The following CHD4 variants were observed in gnomAD, a reference collection of about 807,000 sequenced individuals.
The protein encoded by CHD4 is chromodomain helicase DNA binding protein 4.
Under a neutral mutation model 235.5 loss-of-function variants are expected in CHD4, and 35 were observed. The ratio of observed to expected loss-of-function variants is 0.15; its 90% CI spans 0.11 to 0.20. CHD4 has a LOEUF of 0.20. Ranked by LOEUF, CHD4 falls within the 10% of genes least tolerant of loss-of-function variation. The probability of loss-of-function intolerance (pLI) is 1.00; values close to 1 mark genes in which losing one functional copy is unlikely to be tolerated. For synonymous variants in CHD4, 900 were observed against 850.2 expected (o/e 1.06, Z -1.02); for missense variants, 1,329 against 2,432.3 (o/e 0.55, Z 9.54).
At chr12:6,575,024 T>C (rs2136193330) in intron 37 of CHD4, among the ~76,000 whole-genome samples, 1 of 152,260 alleles carries the variant, frequency 6.6e-6, no homozygotes, top group South Asian at 2.1e-4. Context: ...TATCCATAGA[T>C]GAAACGCTGA....
intron 10 of CHD4, 53 bp downstream of exon 10, chr12:6,599,720 T>C (rs1031972956): frequency 2.3e-5 from 37 of 1,610,552 alleles, no homozygotes; most frequent in African/African-American, 1.7e-4. Context: ...ATAGCCTACA[T>C]AGAAAAGACT....
intron 31 of CHD4, 55 bp from the exon 32 acceptor site, chr12:6,581,443 G>A: frequency 4.5e-6 from 7 of 1,572,440 alleles, no homozygotes; most frequent in Non-Finnish European, 6.1e-6. Context: ...TCAGAGAGAA[G>A]GTCATTTCTT....
At position 6,602,457 on chromosome 12, in the gene CHD4, C is replaced by G. The variant is rs1328273528; in HGVS notation, c.141G>C (p.Glu47Asp). 23 of 1,613,884 alleles carry G rather than the reference C, an allele frequency of 1.4e-5. No homozygotes were observed. Among genetic ancestry groups the G allele is most frequent in the Non-Finnish European group, 1.9e-5 (22 of 1,180,012 alleles). Reference sequence around the variant, plus strand: ...TTTTCTTCTTCTTGAGCTTTGGAGTCTCTGTTTCTGACAAATCCTCTTCTG... The same window carrying G: ...TTTTCTTCTTCTTGAGCTTTGGAGTGTCTGTTTCTGACAAATCCTCTTCTG... Reference protein sequence around the residue: ...EDPEEDLSETETPKLKKKKKP... With the variant: ...EDPEEDLSETDTPKLKKKKKP... The change falls in exon 3 of 40, where the codon GAG becomes GAC. Residue 47 changes from glutamate to aspartate, a missense_variant. Glu to Asp is a conservative substitution (Grantham distance 45). Around this residue, in one of 26 missense-constraint regions of CHD4, gnomAD observed 213 missense variants for 177.5 expected, o/e 1.20. Transcript: ENST00000544040.
At chr12:6,587,361 G>A (rs767071077) in intron 25 of CHD4, 23 bp downstream of exon 25, 4 of 1,606,830 alleles carry the variant, frequency 2.5e-6, no homozygotes, top group Admixed American at 3.4e-5. Context: ...CCAAGCACAG[G>A]ATTGCCTTGG....
Position 6,595,430 on chromosome 12 carries a change from C to T in CHD4, c.2025G>A (p.Arg675=), listed in dbSNP as rs767687389. The T allele has an allele frequency of 6.2e-7, 1 of 1,613,512 alleles. No individual in the cohort carries two copies. The highest frequency in any genetic ancestry group is 1.1e-5 in the South Asian group (1 of 91,062). ...GGCCTTCCTCACCCCTCATTAACTC[C>T]CTAAAGAAGAAAGACATCACACAGC... is the stretch of plus-strand genomic sequence containing the variant. ...DLFKQSYWNH[R]ELMRGEEGRP... Residue 675 remains arginine (R), a splice_region_variant and synonymous_variant, in exon 14 of 40, where the codon AGG becomes AGA. Transcript: ENST00000544040.
intron 25 of CHD4, among the ~76,000 whole-genome samples, chr12:6,585,975 C>T (rs1181936479): frequency 6.6e-6 from 1 of 151,924 alleles, no homozygotes; most frequent in Non-Finnish European, 1.5e-5. Context: ...TGGTGCATAC[C>T]TGTAATCTCA....
At position 6,581,317 on chromosome 12, in the gene CHD4, A is replaced by G. The variant is rs758439369; in HGVS notation, c.4753T>C (p.Ser1585Pro). 6.2e-7 allele frequency: 1 copy of G among 1,614,156 alleles called. No homozygotes were observed. The highest frequency in any genetic ancestry group is 8.5e-7 in the Non-Finnish European group (1 of 1,180,016). The stretch of plus-strand genomic sequence containing the variant: ...TCAATGGCAGTCTCAGGGGCTGTAG[A>G]TTTAACCTCCTTTTCTCCTTCTATG... ...ESIEGEKEVK[S>P]TAPETAIECT... The change falls in exon 32 of 40, where the codon TCT becomes CCT. Residue 1585 changes from serine (S) to proline (P), a missense_variant. Physicochemically the swap from Ser to Pro is moderately conservative, Grantham distance 74. Transcript: ENST00000544040.
intron 38 of CHD4, 156 bp from the exon 39 acceptor site, chr12:6,571,188 A>T: frequency 3.7e-6 from 3 of 811,596 alleles, no homozygotes; most frequent in Non-Finnish European, 3.8e-6. Context: ...TCAAATTCCT[A>T]CTCCTCATAT....
rs1366152840 is a variant in CHD4, at chr12:6,593,234, C to T, written c.2515-6G>A. 1 of 1,613,982 alleles carries T rather than the reference C, an allele frequency of 6.2e-7. No individual in the cohort carries two copies. The highest frequency in any genetic ancestry group is 8.5e-7 in the Non-Finnish European group (1 of 1,180,026). On this transcript the variant is annotated splice_region_variant and splice_polypyrimidine_tract_variant and intron_variant, in intron 16 of 39. Transcript: ENST00000544040. The surrounding 1 kb of genome is among the most constrained non-coding windows in gnomAD (Gnocchi z 4.9). ...AATTTCACAGATGCCTCTTTCTGCACATGAAGGCAACTTGGTCACTACTAG... is the reference window on the plus strand; with the variant it reads ...AATTTCACAGATGCCTCTTTCTGCATATGAAGGCAACTTGGTCACTACTAG...
chr12:6,601,489 T>C lies in CHD4; in HGVS notation c.599A>G (p.Lys200Arg), dbSNP rs1357242435. 2 of 1,614,146 alleles carry C rather than the reference T, an allele frequency of 1.2e-6. No homozygotes were observed. The highest frequency in any genetic ancestry group is 3.3e-5 in the Admixed American group (2 of 60,010). The change falls in exon 6 of 40, where the codon AAG (lysine) becomes AGG (arginine). Residue 200 changes from lysine (K) to arginine (R), a missense_variant. Transcript: ENST00000544040. The stretch of plus-strand genomic sequence containing the variant: ...TTTTGCACCCAAAACCATCATCATC[T>C]TGGAGACAGCAATCTTGGGATTTTT... ...AAKNPKIAVSKMMMVLGAKWR... is the reference protein window; with the variant it reads ...AAKNPKIAVSRMMMVLGAKWR...
intron 14 of CHD4, among the ~76,000 whole-genome samples, chr12:6,595,022 C>A (rs186495430): frequency 5.0e-4 from 76 of 152,292 alleles, no homozygotes; most frequent in Non-Finnish European, 2.1e-4. Flanking sequence ...CCCAGAGGAA[C>A]TGAGCCTGAA....
intron 25 of CHD4, among the ~76,000 whole-genome samples, chr12:6,585,942 A>G (rs981378081): frequency 4.0e-5 from 6 of 151,766 alleles, no homozygotes; most frequent in African/African-American, 1.2e-4. Context: ...TACTAAAACT[A>G]TAAAAAAATT....
chr12:6,603,727 A>G (rs1401165195), intron 2 of CHD4, among the ~76,000 whole-genome samples: 1 of 152,154 alleles, frequency 6.6e-6, no homozygotes, highest in Non-Finnish European at 1.5e-5. Context: ...ATACTAAGAG[A>G]AGAACTCGAT....
At chr12:6,596,864 G>A (rs1459780745) in intron 12 of CHD4, among the ~76,000 whole-genome samples, 1 of 151,930 alleles carries the variant, frequency 6.6e-6, no homozygotes, top group African/African-American at 2.4e-5. Context: ...GGAGGCTGAG[G>A]CAGAGAATCA....
At position 6,573,190 on chromosome 12, in the gene CHD4, G is replaced by A. The variant is rs768443881; in HGVS notation, c.5441C>T (p.Pro1814Leu). The A allele has an allele frequency of 6.2e-7, 1 of 1,606,354 alleles. No homozygotes were observed. Among genetic ancestry groups the A allele is most frequent in the African/African-American group, 1.3e-5 (1 of 74,324 alleles). ...AAAGCGGGTGTTGAGGGCCATGGAA[G>A]GGTGAGAAGGGTCTTCTGACATGTT... ...YLNMSEDPSH[P>L]SMALNTRFAE... The change falls in exon 38 of 40, where the codon CCT (proline) becomes CTT (leucine). Residue 1814 changes from proline to leucine, a missense_variant. This residue lies in a region of CHD4 where 135 missense variants were observed against 282.3 expected (regional missense o/e 0.48). Transcript: ENST00000544040.
rs1336439164 is a variant in CHD4 at position 6,570,570 on chromosome 12, G to A, written c.*106C>T. On this transcript the variant is annotated 3_prime_UTR_variant, in exon 40 of 40. Coordinates refer to ENST00000544040, the MANE Select transcript of CHD4 (RefSeq NM_001273.5). ...CTGTTCCTTTACAACATGGAAGATG[G>A]GCAGAAGGAAGGTGAGGGTCTCTCA... The A allele has an allele frequency of 2.2e-6, 3 of 1,389,146 alleles. No homozygotes were observed. The Admixed American group carries it at 5.3e-5, about 24-fold the overall frequency. 86.1% of individuals were successfully genotyped at this position (1,389,146 alleles called of 1,614,324 possible). A position where few individuals can be genotyped will look rare whatever the true frequency, so the allele number is the denominator to read the frequency against.
In CHD4 at chr12:6,570,905, G is replaced by A. The variant is rs369023810; in HGVS notation, c.5685C>T (p.Arg1895=). 5 of 1,614,058 alleles carry A rather than the reference G, an allele frequency of 3.1e-6. No individual in the cohort carries two copies. The highest frequency in any genetic ancestry group is 4.2e-6 in the Non-Finnish European group (5 of 1,180,040). Residue 1895 remains arginine (R), a synonymous_variant, in exon 39 of 40, where the codon CGC becomes CGT. Coordinates refer to ENST00000544040, the MANE Select transcript of CHD4 (RefSeq NM_001273.5). ...TAGGTTCGGGTGCCCGGTTTGCCAG[G>A]CGGCTGAGAATGTTACGCTCTGACA... The part of the protein sequence containing the change: ...LQMSERNILS[R]LANRAPEPTP...
chr12:6,588,497 G>T (rs1307924560), intron 22 of CHD4, 75 bp from the exon 23 acceptor site: 5 of 1,545,170 alleles, frequency 3.2e-6, no homozygotes, highest in Non-Finnish European at 8.8e-7. Flanking sequence ...AAAAAATTAA[G>T]CCGGGGGCAG....
intron 24 of CHD4, 54 bp downstream of exon 24, chr12:6,587,658 A>C: frequency 6.2e-7 from 1 of 1,606,128 alleles, no homozygotes. Flanking sequence ...GATTCTCCCT[A>C]ACCTTTAGAG....
Sources: gnomAD v4.1 joint callset for allele counts (sites outside exome capture counted in the v4.1 genomes callset) on GRCh38, gnomAD v4.1.1 for gene constraint, gnomAD v4.1.1 regional missense constraint, Gnocchi (gnomAD v3.1) non-coding constraint, MANE v1.5 for transcripts, NCBI Gene and HGNC (gene_info 2026-07-23, HGNC 2026-07-21) for gene names.